Variants in PGCKA1 observed in about 807,000 individuals in gnomAD.
The protein encoded by PGCKA1 is PDCD10 and GCKIII kinases associated 1.
At chr4:37,502,125 C>T in the PGCKA1 span, among the ~76,000 whole-genome samples, 1 of 152,196 alleles carries the variant, frequency 6.6e-6, no homozygotes, top group South Asian at 2.1e-4. Flanking sequence ...GACCACTAGG[C>T]ACTACACTCT....
At chr4:37,585,262 A>G in the PGCKA1 span, among the ~76,000 whole-genome samples, 57 of 204 alleles carry the variant, frequency 0.28, 2 homozygotes, top group Admixed American at 0.3. Flanking sequence ...GAGGAGAGGT[A>G]TTGAGGGAGG....
At chr4:37,463,273 G>T in the PGCKA1 span, among the ~76,000 whole-genome samples, 1 of 152,084 alleles carries the variant, frequency 6.6e-6, no homozygotes, top group Non-Finnish European at 1.5e-5. Flanking sequence ...CCATTACCTG[G>T]GTTTGAATCC....
chr4:37,527,580 G>A, the PGCKA1 span, among the ~76,000 whole-genome samples: 1 of 151,904 alleles, frequency 6.6e-6, no homozygotes, highest in Non-Finnish European at 1.5e-5. Context: ...AGCACTTTGG[G>A]AGGCCGAGGT....
chr4:37,512,947 G>A, the PGCKA1 span, among the ~76,000 whole-genome samples: 1 of 152,158 alleles, frequency 6.6e-6, no homozygotes, highest in South Asian at 2.1e-4. Flanking sequence ...AATCAGCTGG[G>A]CGTAGTGGCA....
the PGCKA1 span, among the ~76,000 whole-genome samples, chr4:37,545,509 C>T: frequency 1.3e-5 from 2 of 152,230 alleles, no homozygotes; most frequent in Non-Finnish European, 2.9e-5. Context: ...CCATAATTCA[C>T]TCTTACTTTC....
chr4:37,499,227 A>G, the PGCKA1 span, among the ~76,000 whole-genome samples: 1 of 152,190 alleles, frequency 6.6e-6, no homozygotes, highest in East Asian at 1.9e-4. Context: ...TGGGTTTGCC[A>G]GTATTTTGTT....
At chr4:37,561,299 C>T in the PGCKA1 span, among the ~76,000 whole-genome samples, 1 of 152,176 alleles carries the variant, frequency 6.6e-6, no homozygotes, top group African/African-American at 2.4e-5. Context: ...GACTTGCAGG[C>T]AACTCGCAAG....
the PGCKA1 span, among the ~76,000 whole-genome samples, chr4:37,510,068 T>G: frequency 3.0e-4 from 45 of 152,212 alleles, no homozygotes; most frequent in Admixed American, 2.1e-3. Context: ...TTTTTAATTA[T>G]TTTAATCTCT....
At chr4:37,549,450 C>T in the PGCKA1 span, among the ~76,000 whole-genome samples, 24 of 152,308 alleles carry the variant, frequency 1.6e-4, no homozygotes, top group Middle Eastern at 3.4e-3. Context: ...AAGGCTGACC[C>T]CCATGTCTAA....
chr4:37,495,076 A>T, the PGCKA1 span, among the ~76,000 whole-genome samples: 1 of 152,142 alleles, frequency 6.6e-6, no homozygotes, highest in Non-Finnish European at 1.5e-5. Flanking sequence ...AAAGGATATG[A>T]ACAGACACTT....
chr4:37,473,499 C>A, the PGCKA1 span, among the ~76,000 whole-genome samples: 2 of 152,110 alleles, frequency 1.3e-5, no homozygotes, highest in African/African-American at 4.8e-5. Flanking sequence ...AAAGATCACT[C>A]TTCAGAAGAT....
chr4:37,455,358 A>G, the PGCKA1 span, among the ~76,000 whole-genome samples: 1 of 152,180 alleles, frequency 6.6e-6, no homozygotes, highest in Non-Finnish European at 1.5e-5. Context: ...TCAAAGGTAA[A>G]GTTAAGTTCT....
the PGCKA1 span, among the ~76,000 whole-genome samples, chr4:37,564,598 T>C: frequency 6.6e-6 from 1 of 152,086 alleles, no homozygotes; most frequent in East Asian, 1.9e-4. Context: ...CCTCCGCCTC[T>C]TGGATTCAAG....
chr4:37,506,069 G>A, the PGCKA1 span, among the ~76,000 whole-genome samples: 3 of 152,200 alleles, frequency 2.0e-5, no homozygotes, highest in African/African-American at 7.2e-5. Context: ...TAATTCATTG[G>A]CATATAGTTG....
At chr4:37,577,726 A>G in the PGCKA1 span, among the ~76,000 whole-genome samples, 39 of 152,096 alleles carry the variant, frequency 2.6e-4, no homozygotes, top group Non-Finnish European at 5.1e-4. Context: ...GCTGGATCCC[A>G]TAGATTTTGG....
chr4:37,478,965 C>A, the PGCKA1 span, among the ~76,000 whole-genome samples: 1 of 152,188 alleles, frequency 6.6e-6, no homozygotes, highest in African/African-American at 2.4e-5. Flanking sequence ...GCATAGGTAG[C>A]CTTTCTTCCT....
chr4:37,500,343 G>A, the PGCKA1 span, among the ~76,000 whole-genome samples: 7 of 152,282 alleles, frequency 4.6e-5, no homozygotes, highest in African/African-American at 1.7e-4. Context: ...GTTTCAAAGA[G>A]CTTCTTGATT....
chr4:37,475,481 G>A, the PGCKA1 span, among the ~76,000 whole-genome samples: 1 of 152,078 alleles, frequency 6.6e-6, no homozygotes, highest in African/African-American at 2.4e-5. Context: ...TTTTAAAAAT[G>A]AGTATTCTAG....
At chr4:37,494,723 C>G in the PGCKA1 span, among the ~76,000 whole-genome samples, 1 of 152,304 alleles carries the variant, frequency 6.6e-6, no homozygotes, top group South Asian at 2.1e-4. Context: ...AATGGCTGAA[C>G]TAATTTACAC....
Sources: gnomAD v4.1 joint callset for allele counts (sites outside exome capture counted in the v4.1 genomes callset) on GRCh38, gnomAD v4.1.1 for gene constraint, MANE v1.5 for transcripts, NCBI Gene and HGNC (gene_info 2026-07-23, HGNC 2026-07-21) for gene names.